Variants in GLCE observed in about 807,000 individuals in gnomAD.
GLCE encodes glucuronic acid epimerase.
A neutral mutation model predicts 47.9 loss-of-function variants in GLCE; 19 were observed. The observed-to-expected ratio is 0.40, with a 90% CI of 0.28 to 0.58. GLCE has a LOEUF of 0.58. Ranked by LOEUF, GLCE falls within the 20% of genes least tolerant of loss-of-function variation. The probability of loss-of-function intolerance (pLI) is 0.48; values close to 1 mark genes in which losing one functional copy is unlikely to be tolerated. For missense variants in GLCE, 556 were observed against 743.3 expected, an observed-to-expected ratio of 0.75 and a Z score of 2.93; for synonymous variants, 245 against 263.4, an observed-to-expected ratio of 0.93 and a Z score of 0.68.
At chr15:69,184,364 A>G (rs1448293598) in intron 1 of GLCE, among the ~76,000 whole-genome samples, 1 of 152,192 alleles carries the variant, frequency 6.6e-6, no homozygotes, top group African/African-American at 2.4e-5. Flanking sequence ...AATCAGAGAA[A>G]AATATTAATT....
intron 1 of GLCE, among the ~76,000 whole-genome samples, chr15:69,185,341 T>C (rs2051806569): frequency 6.6e-6 from 1 of 152,228 alleles, no homozygotes. Flanking sequence ...TTTAACCTCT[T>C]TCAACCTCCA....
chr15:69,238,774 G>A (rs1344237807), intron 2 of GLCE, among the ~76,000 whole-genome samples: 3 of 152,106 alleles, frequency 2.0e-5, no homozygotes, highest in Admixed American at 6.5e-5. Context: ...TAAACATGGC[G>A]ACAAAATACA....
chr15:69,183,297 T>C (rs2051776758), intron 1 of GLCE, among the ~76,000 whole-genome samples: 1 of 152,182 alleles, frequency 6.6e-6, no homozygotes, highest in South Asian at 2.1e-4. Flanking sequence ...ATAACTGCAG[T>C]AAAGAACGGC....
At chr15:69,235,848 G>A (rs1370105793) in intron 2 of GLCE, among the ~76,000 whole-genome samples, 2 of 152,164 alleles carry the variant, frequency 1.3e-5, no homozygotes, top group African/African-American at 4.8e-5. Flanking sequence ...AGTTGGATGA[G>A]TTTTGTCGGA....
chr15:69,173,065 T>G (rs896482138), intron 1 of GLCE, among the ~76,000 whole-genome samples: 1 of 152,196 alleles, frequency 6.6e-6, no homozygotes, highest in Non-Finnish European at 1.5e-5. Flanking sequence ...TGTCTCCTTA[T>G]TTGTCTGCAG....
At chr15:69,165,275 ACTCT>A (rs1459446174) in intron 1 of GLCE, among the ~76,000 whole-genome samples, 1 of 151,820 alleles carries the variant, frequency 6.6e-6, no homozygotes, top group African/African-American at 2.4e-5. Flanking sequence ...TATCAGCCCA[ACTCT>A]CTATCGTTAC....
intron 1 of GLCE, among the ~76,000 whole-genome samples, chr15:69,192,412 T>C (rs2051926853): frequency 6.6e-6 from 1 of 152,118 alleles, no homozygotes; most frequent in Non-Finnish European, 1.5e-5. Flanking sequence ...GATTCTTTTA[T>C]GTTTCTTTGT....
At chr15:69,243,012 A>G (rs2052694662) in intron 2 of GLCE, among the ~76,000 whole-genome samples, 2 of 145,854 alleles carry the variant, frequency 1.4e-5, no homozygotes, top group Non-Finnish European at 3.0e-5. Context: ...AGCTATGAGC[A>G]TGGCACTGCA....
At chr15:69,169,951 T>C (rs1182567667) in intron 1 of GLCE, among the ~76,000 whole-genome samples, 2 of 152,216 alleles carry the variant, frequency 1.3e-5, no homozygotes, top group Non-Finnish European at 2.9e-5. Context: ...TATTATAAGA[T>C]TATTTCAAAT....
At chr15:69,227,837 C>T (rs1017083137) in intron 2 of GLCE, among the ~76,000 whole-genome samples, 1 of 152,054 alleles carries the variant, frequency 6.6e-6, no homozygotes, top group African/African-American at 2.4e-5. Flanking sequence ...GAAAATTCCG[C>T]TTTTATTTTT....
chr15:69,239,476 T>G (rs1197746950), intron 2 of GLCE, among the ~76,000 whole-genome samples: 1 of 152,164 alleles, frequency 6.6e-6, no homozygotes, highest in Non-Finnish European at 1.5e-5. Flanking sequence ...TTATTTCTGG[T>G]GTCTGTTACT....
intron 2 of GLCE, among the ~76,000 whole-genome samples, chr15:69,251,529 A>T (rs192408989): frequency 0.01 from 1,591 of 152,254 alleles, 23 homozygotes; most frequent in African/African-American, 0.033. Context: ...CTTATTTTTT[A>T]AAAAAATTTA....
In GLCE at chr15:69,262,487, C is replaced by T. The variant is rs545947013; in HGVS notation, c.829+1158C>T. Among the ~76,000 whole-genome samples, 10 of 152,234 alleles carry T rather than the reference C, an allele frequency of 6.6e-5. No individual in the cohort carries two copies. In the South Asian group the frequency reaches 2.1e-3, roughly 32 times the overall value. On this transcript the variant is annotated intron_variant, in intron 4 of 4. Transcript: ENST00000261858. ...TGCACTCAAGAAACTTATTTTTGCACTAGTTAATAATGGTTGTCTGGATTA... is the reference window on the plus strand; with the variant it reads ...TGCACTCAAGAAACTTATTTTTGCATTAGTTAATAATGGTTGTCTGGATTA...
chr15:69,230,006 T>A (rs894561326), intron 2 of GLCE, among the ~76,000 whole-genome samples: 1 of 151,672 alleles, frequency 6.6e-6, no homozygotes, highest in Non-Finnish European at 1.5e-5. Context: ...GGTCAGGAGG[T>A]TGAGACTAGC....
At chr15:69,179,553 A>G (rs1432506787) in intron 1 of GLCE, among the ~76,000 whole-genome samples, 4 of 152,248 alleles carry the variant, frequency 2.6e-5, no homozygotes, top group Admixed American at 6.5e-5. Context: ...GAACTGTTTC[A>G]TCACAACAGA....
At chr15:69,249,654 A>G (rs974167271) in intron 2 of GLCE, among the ~76,000 whole-genome samples, 1 of 152,178 alleles carries the variant, frequency 6.6e-6, no homozygotes, top group African/African-American at 2.4e-5. Flanking sequence ...GCCAATAACA[A>G]TGTAAGTGAA....
intron 2 of GLCE, among the ~76,000 whole-genome samples, chr15:69,253,573 A>G (rs1392895982): frequency 2.0e-5 from 3 of 152,266 alleles, no homozygotes; most frequent in Non-Finnish European, 4.4e-5. Context: ...TGGAAAAAGT[A>G]AAACTAATAA....
intron 2 of GLCE, among the ~76,000 whole-genome samples, chr15:69,235,767 GA>G (rs1475027601): frequency 2.6e-5 from 4 of 152,004 alleles, no homozygotes; most frequent in Non-Finnish European, 5.9e-5. Flanking sequence ...CAAAACTATA[GA>G]AACCCATTAT....
chr15:69,177,186 A>G (rs2051680633), intron 1 of GLCE, among the ~76,000 whole-genome samples: 1 of 151,870 alleles, frequency 6.6e-6, no homozygotes, highest in Non-Finnish European at 1.5e-5. Context: ...CACCCAGCTA[A>G]TTTTTGTATT....
Sources: gnomAD v4.1 joint callset for allele counts (sites outside exome capture counted in the v4.1 genomes callset) on GRCh38, gnomAD v4.1.1 for gene constraint, MANE v1.5 for transcripts, NCBI Gene and HGNC (gene_info 2026-07-23, HGNC 2026-07-21) for gene names.